The following KCTD1 variants were observed in gnomAD, a reference collection of about 807,000 sequenced individuals.
KCTD1 encodes potassium channel tetramerization domain containing 1.
Under a neutral mutation model 66.0 loss-of-function variants are expected in KCTD1, and 24 were observed. That is an observed-to-expected ratio of 0.36 (90% CI 0.26 to 0.51). The LOEUF (loss-of-function observed/expected upper bound fraction) is 0.51, where lower values mean the gene tolerates loss of function less well. Among genes scored for constraint, KCTD1 ranks in the 20% least tolerant of loss-of-function variants. KCTD1 has a pLI of 0.95. For missense variants in KCTD1, 943 were observed against 1,205.2 expected (o/e 0.78, Z 3.22); for synonymous variants, 511 against 517.2 (o/e 0.99, Z 0.16).
In KCTD1 at chr18:26,548,038, G is replaced by A; in HGVS notation, c.499C>T (p.Arg167Trp). The A allele has an allele frequency of 4.0e-6, 6 of 1,512,938 alleles. No homozygotes were observed. Among genetic ancestry groups the A allele is most frequent in the Non-Finnish European group, 5.3e-6 (6 of 1,132,802 alleles). 93.7% of individuals were successfully genotyped at this position (1,512,938 alleles called of 1,614,324 possible). Reference sequence around the variant, plus strand: ...GCCAGCCGGGTGTTCTCGCTCAGCCGGGCCCGCTCGGGGCGCTGCAGCACG... The same window carrying A: ...GCCAGCCGGGTGTTCTCGCTCAGCCAGGCCCGCTCGGGGCGCTGCAGCACG... ...PDVLQRPERA[R>W]LSENTRLATR... The change falls in exon 1 of 5, where the codon CGG (arginine) becomes TGG (tryptophan). Residue 167 changes from arginine to tryptophan, a missense_variant. Around this residue, in one of 10 missense-constraint regions of KCTD1, gnomAD observed 96 missense variants for 132.5 expected, o/e 0.72. Transcript: ENST00000580059.
At chr18:26,647,337 C>CCA (rs544940665) in intron 1 of KCTD1, among the ~76,000 whole-genome samples, 2 of 60,956 alleles carry the variant, frequency 3.3e-5, no homozygotes, top group South Asian at 8.8e-4. Flanking sequence ...TGAAACCCCC[C>CCA]CCCCATCTCT....
chr18:26,647,334 C>T (rs1987943271), intron 1 of KCTD1, among the ~76,000 whole-genome samples: 1 of 112,922 alleles, frequency 8.9e-6, no homozygotes, highest in African/African-American at 2.7e-5. Context: ...TAGTGAAACC[C>T]CCCCCCCATC....
chr18:26,578,897 A>C (rs974616393), intron 1 of KCTD1, among the ~76,000 whole-genome samples: 2 of 152,206 alleles, frequency 1.3e-5, no homozygotes, highest in Admixed American at 6.5e-5. Flanking sequence ...ACAGGGTACC[A>C]ATTACTTAAG....
At chr18:26,576,074 A>T (rs1253516647) in intron 1 of KCTD1, among the ~76,000 whole-genome samples, 1 of 152,220 alleles carries the variant, frequency 6.6e-6, no homozygotes, top group Non-Finnish European at 1.5e-5. Flanking sequence ...CATCGCCTCC[A>T]GGAAGCTTTG....
chr18:26,549,807 T>A (rs1047710473), upstream of KCTD1: 1 of 984,876 alleles, frequency 1.0e-6, no homozygotes, highest in Non-Finnish European at 1.2e-6. Flanking sequence ...CCTCGGAAAC[T>A]GGAAAAGCAG....
intron 1 of KCTD1, among the ~76,000 whole-genome samples, chr18:26,533,235 T>C (rs532840733): frequency 2.5e-3 from 388 of 152,368 alleles, no homozygotes; most frequent in Non-Finnish European, 4.5e-3. Flanking sequence ...CTAACTGCGA[T>C]TCACACTTTA....
intron 1 of KCTD1, among the ~76,000 whole-genome samples, chr18:26,600,728 A>C (rs187817667): frequency 4.3e-4 from 65 of 151,826 alleles, no homozygotes; most frequent in African/African-American, 1.4e-3. Flanking sequence ...CATCTCAGCA[A>C]TGCTGCCACC....
chr18:26,577,305 C>T (rs1986246928), intron 1 of KCTD1, among the ~76,000 whole-genome samples: 1 of 152,148 alleles, frequency 6.6e-6, no homozygotes, highest in Non-Finnish European at 1.5e-5. Context: ...TTTATTCTGT[C>T]CAATGTCTCT....
At chr18:26,619,957 A>G (rs1322402975) in intron 1 of KCTD1, among the ~76,000 whole-genome samples, 2 of 152,156 alleles carry the variant, frequency 1.3e-5, no homozygotes, top group Non-Finnish European at 2.9e-5. Flanking sequence ...CTTATCTTGC[A>G]TTCTTTCCTC....
chr18:26,621,103 G>A (rs899108433), intron 1 of KCTD1, among the ~76,000 whole-genome samples: 4 of 152,230 alleles, frequency 2.6e-5, no homozygotes, highest in Admixed American at 1.3e-4. Flanking sequence ...AAAGTGCCGG[G>A]ATTACAGGCG....
chr18:26,599,848 C>T (rs1371244731), intron 1 of KCTD1: 10 of 1,556,832 alleles, frequency 6.4e-6, no homozygotes, highest in Non-Finnish European at 8.9e-6. Flanking sequence ...ACACCTTGGT[C>T]ATGAAAGTGA....
intron 1 of KCTD1, among the ~76,000 whole-genome samples, chr18:26,579,293 CA>C (rs1986298747): frequency 6.6e-6 from 1 of 151,856 alleles, no homozygotes; most frequent in African/African-American, 2.4e-5. Flanking sequence ...ACAAAGCATC[CA>C]AAGTTTTGAA....
intron 2 of KCTD1, among the ~76,000 whole-genome samples, chr18:26,494,558 C>T (rs1982370347): frequency 6.6e-6 from 1 of 152,174 alleles, no homozygotes; most frequent in African/African-American, 2.4e-5. Context: ...AGGTAAGTTA[C>T]TGAAGGACTG....
In KCTD1 at chr18:26,613,309, T is replaced by C. The variant is rs1221865022; in HGVS notation, c.-16+15838A>G. 2.0e-5 allele frequency among the ~76,000 whole-genome samples: 3 copies of C among 152,188 alleles called. No individual in the cohort carries two copies. In the South Asian group the frequency reaches 6.2e-4, roughly 32 times the overall value. ...TCAAAGAAGTGACACTCTGACGATTTCCTTTTTAAATTAACAATCATGTAC... is the reference window on the plus strand; with the variant it reads ...TCAAAGAAGTGACACTCTGACGATTCCCTTTTTAAATTAACAATCATGTAC... On this transcript the variant is annotated intron_variant, in intron 1 of 4. Coordinates refer to the KCTD1 transcript ENST00000317932.
intron 1 of KCTD1, among the ~76,000 whole-genome samples, chr18:26,541,381 A>T (rs574026513): frequency 6.6e-6 from 1 of 152,310 alleles, no homozygotes; most frequent in African/African-American, 2.4e-5. Flanking sequence ...AAACGCAGAC[A>T]CTTTTCACTT....
In KCTD1 at chr18:26,522,032, C is replaced by G. The variant is rs548363877; in HGVS notation, c.1810-20782G>C. 5.9e-5 allele frequency among the ~76,000 whole-genome samples: 9 copies of G among 152,280 alleles called. No homozygotes were observed. In the South Asian group the frequency reaches 1.7e-3, roughly 28 times the overall value. ...AAAAAGAAGCAAGCACAAAATTTCA[C>G]AACTGGATGCTTAGCCAAATTCCTC... On this transcript the variant is annotated intron_variant, in intron 1 of 4. Transcript: ENST00000580059.
chr18:26,466,001 A>G (rs372955949), intron 3 of KCTD1, among the ~76,000 whole-genome samples: 2 of 151,246 alleles, frequency 1.3e-5, no homozygotes, highest in South Asian at 2.2e-4. Flanking sequence ...CGCAGGTACC[A>G]GTGAAGAAAC....
chr18:26,627,952 G>A lies in KCTD1; in HGVS notation c.-16+1195C>T, dbSNP rs571275630. On this transcript the variant is annotated intron_variant, in intron 1 of 4. Coordinates refer to the KCTD1 transcript ENST00000317932. ...TGCCTGACTGGAAGAAGACAAGCCA[G>A]AGCCCCCAGGGATCTGCAGGCTGCC... Among the ~76,000 whole-genome samples, 9 of 152,302 alleles carry A rather than the reference G, an allele frequency of 5.9e-5. No homozygotes were observed. In the South Asian group the frequency reaches 1.9e-3, roughly 32 times the overall value.
At chr18:26,648,300 G>C (rs188403096) in intron 1 of KCTD1, among the ~76,000 whole-genome samples, 17 of 152,134 alleles carry the variant, frequency 1.1e-4, no homozygotes, top group African/African-American at 4.1e-4. Flanking sequence ...ATATCCAAGG[G>C]CTCCTGATGA....
Sources: gnomAD v4.1 joint callset for allele counts (sites outside exome capture counted in the v4.1 genomes callset) on GRCh38, gnomAD v4.1.1 for gene constraint, gnomAD v4.1.1 regional missense constraint, MANE v1.5 for transcripts, NCBI Gene and HGNC (gene_info 2026-07-23, HGNC 2026-07-21) for gene names.